Variants in CNTNAP2 observed in about 807,000 individuals in gnomAD.
CNTNAP2 encodes the protein contactin-associated protein-like 2.
A neutral mutation model predicts 155.2 loss-of-function variants in CNTNAP2; 98 were observed. That is an observed-to-expected ratio of 0.63 (90% confidence interval 0.54 to 0.75). CNTNAP2 has a LOEUF of 0.75. Among genes scored for constraint, CNTNAP2 ranks in the 30% least tolerant of loss-of-function variants. The pLI, the probability that CNTNAP2 is intolerant of heterozygous loss-of-function variation, is 0.00. For missense variants in CNTNAP2, 1,727 were observed against 1,688.1 expected (o/e 1.02, Z -0.40); for synonymous variants, 651 against 631.2 (o/e 1.03, Z -0.47).
At chr7:147,274,507 A>AT (rs1247371418) in intron 8 of CNTNAP2, among the ~76,000 whole-genome samples, 2 of 151,378 alleles carry the variant, frequency 1.3e-5, no homozygotes, top group African/African-American at 4.9e-5. Context: ...CCACTTTTTA[A>AT]TTTTTTTGTT....
intron 8 of CNTNAP2, among the ~76,000 whole-genome samples, chr7:147,155,208 G>A (rs1010046817): frequency 6.6e-6 from 1 of 152,124 alleles, no homozygotes; most frequent in Non-Finnish European, 1.5e-5. Context: ...AGAGCTCAGA[G>A]AGATCCCTTG....
intron 20 of CNTNAP2, among the ~76,000 whole-genome samples, chr7:148,250,186 T>C (rs1188955027): frequency 6.6e-6 from 1 of 152,188 alleles, no homozygotes; most frequent in African/African-American, 2.4e-5. Context: ...ACCCCTCGAA[T>C]CCCTCAAGTC....
At chr7:148,141,419 G>A (rs1293948984) in intron 16 of CNTNAP2, among the ~76,000 whole-genome samples, 3 of 152,238 alleles carry the variant, frequency 2.0e-5, no homozygotes, top group Non-Finnish European at 2.9e-5. Context: ...GTGCTCTTGG[G>A]AAAGATGCTT....
In CNTNAP2 at chr7:147,906,617, G is replaced by GCCCA. The variant is rs1220688170; in HGVS notation, c.2255+2897_2255+2900dup. 2.6e-5 allele frequency among the ~76,000 whole-genome samples: 4 copies of GCCCA among 151,782 alleles called. No homozygotes were observed. In the East Asian group the frequency reaches 5.8e-4, roughly 22 times the overall value. On this transcript the variant is annotated intron_variant, in intron 14 of 23. Transcript: ENST00000361727. ...TGGGACTACAGGTGCCCACCACCATGCCCAGCTAATTTTTGTATTTTTAGT... is the reference window on the plus strand; with the variant it reads ...TGGGACTACAGGTGCCCACCACCATGCCCACCCAGCTAATTTTTGTATTTTTAGT...
intron 14 of CNTNAP2, among the ~76,000 whole-genome samples, chr7:147,914,241 T>TA (rs869147250): frequency 4.0e-5 from 6 of 151,818 alleles, no homozygotes; most frequent in African/African-American, 1.2e-4. Flanking sequence ...GTTTCTTTTT[T>TA]AAAAAAAAAA....
At chr7:146,473,093 C>T (rs1255243674) in intron 1 of CNTNAP2, among the ~76,000 whole-genome samples, 1 of 151,822 alleles carries the variant, frequency 6.6e-6, no homozygotes, top group African/African-American at 2.4e-5. Flanking sequence ...AAATGTTGAG[C>T]CTACACCTTA....
chr7:146,946,538 G>C (rs567398289), intron 3 of CNTNAP2, among the ~76,000 whole-genome samples: 1 of 151,984 alleles, frequency 6.6e-6, no homozygotes, highest in African/African-American at 2.4e-5. Context: ...CTTAATTTGG[G>C]GAACTGGCTA....
At chr7:147,924,156 T>TTTTTTTTTG (rs1800339694) in intron 14 of CNTNAP2, among the ~76,000 whole-genome samples, 1 of 148,092 alleles carries the variant, frequency 6.8e-6, no homozygotes. Flanking sequence ...TTTTTTTTTT[T>TTTTTTTTTG]GAGACAGAGT....
intron 13 of CNTNAP2, among the ~76,000 whole-genome samples, chr7:147,729,895 C>T (rs1796710663): frequency 6.6e-6 from 1 of 152,014 alleles, no homozygotes; most frequent in South Asian, 2.1e-4. Context: ...TAGAGATTTT[C>T]CTTGTATGCT....
At chr7:146,396,446 TATTA>T (rs1182058713) in intron 1 of CNTNAP2, among the ~76,000 whole-genome samples, 6 of 152,066 alleles carry the variant, frequency 3.9e-5, no homozygotes, top group South Asian at 4.1e-4. Context: ...GTTACTAAAT[TATTA>T]ATTCTAGGTT....
chr7:147,084,717 T>A (rs1036403803), intron 4 of CNTNAP2, among the ~76,000 whole-genome samples: 15 of 147,760 alleles, frequency 1.0e-4, no homozygotes, highest in African/African-American at 2.9e-4. Context: ...ATATAATATA[T>A]AATGCTGTAT....
At chr7:146,931,003 C>G (rs1796743309) in intron 3 of CNTNAP2, among the ~76,000 whole-genome samples, 1 of 152,090 alleles carries the variant, frequency 6.6e-6, no homozygotes, top group South Asian at 2.1e-4. Flanking sequence ...TTTAACACCC[C>G]ACTGTCAACA....
At chr7:147,883,019 C>T (rs1373367291) in intron 13 of CNTNAP2, among the ~76,000 whole-genome samples, 3 of 152,098 alleles carry the variant, frequency 2.0e-5, no homozygotes, top group Non-Finnish European at 2.9e-5. Flanking sequence ...ATTGTCTTTC[C>T]TTGGGTCATG....
At chr7:146,345,067 CAG>C (rs1419129875) in intron 1 of CNTNAP2, among the ~76,000 whole-genome samples, 1 of 152,080 alleles carries the variant, frequency 6.6e-6, no homozygotes, top group Admixed American at 6.5e-5. Flanking sequence ...ATTTAGCAAA[CAG>C]AGTTCTTCAA....
intron 21 of CNTNAP2, among the ~76,000 whole-genome samples, chr7:148,277,426 T>TC (rs1253686261): frequency 9.7e-4 from 148 of 152,166 alleles, no homozygotes; most frequent in African/African-American, 3.5e-3. Context: ...ATCCTCCGTC[T>TC]CCCCATGGCA....
At chr7:148,063,569 T>C (rs975621898) in intron 15 of CNTNAP2, among the ~76,000 whole-genome samples, 1 of 151,450 alleles carries the variant, frequency 6.6e-6, no homozygotes, top group African/African-American at 2.4e-5. Context: ...CCTTTCCAGA[T>C]ATTTTTTCTT....
At position 148,309,544 on chromosome 7, in the gene CNTNAP2, T is replaced by C. The variant is rs183996743; in HGVS notation, c.3475+42418T>C. On this transcript the variant is annotated intron_variant, in intron 21 of 23. Transcript: ENST00000361727. ...GCAAAGGGAGATGGGGTGGGGCCAT[T>C]TTATAAGATTCGGGTAAGTAAAGGA... Among the ~76,000 whole-genome samples, 695 of 152,196 alleles carry C rather than the reference T, an allele frequency of 4.6e-3. 6 individuals are homozygous for C. The highest frequency in any genetic ancestry group is 0.016 in the African/African-American group (666 of 41,532).
At chr7:146,993,420 G>T (rs936054946) in intron 3 of CNTNAP2, among the ~76,000 whole-genome samples, 4 of 152,150 alleles carry the variant, frequency 2.6e-5, no homozygotes, top group Non-Finnish European at 5.9e-5. Flanking sequence ...CTGCCATTTT[G>T]CTTCTTAAAG....
chr7:146,501,001 A>G (rs1003451668), intron 1 of CNTNAP2, among the ~76,000 whole-genome samples: 8 of 151,998 alleles, frequency 5.3e-5, no homozygotes. Flanking sequence ...TCTTAATTCT[A>G]TTGATATAAT....
Sources: gnomAD v4.1 joint callset for allele counts (sites outside exome capture counted in the v4.1 genomes callset) on GRCh38, gnomAD v4.1.1 for gene constraint, MANE v1.5 for transcripts, NCBI Gene and HGNC (gene_info 2026-07-23, HGNC 2026-07-21) for gene names.